VCAN: variants seen among roughly 807,000 people sequenced by gnomAD.
VCAN encodes versican core protein.
In VCAN, 44 loss-of-function variants were observed where a neutral mutation model predicts 245.5. The ratio of observed to expected loss-of-function variants is 0.18; its 90% CI spans 0.14 to 0.23. The LOEUF is 0.23. Among genes scored for constraint, VCAN ranks in the 10% least tolerant of loss-of-function variants. VCAN has a pLI of 1.00. For synonymous variants in VCAN, 1,413 were observed against 1,437.0 expected, an observed-to-expected ratio of 0.98 and a Z score of 0.38; for missense variants, 3,793 against 4,057.9, an observed-to-expected ratio of 0.93 and a Z score of 1.77.
At position 83,541,015 on chromosome 5, in the gene VCAN, C is replaced by T. The variant is rs61733390; in HGVS notation, c.8012C>T (p.Thr2671Ile). ...SQLDHMGFHFTTGIPAPSTET... is the reference protein window; with the variant it reads ...SQLDHMGFHFITGIPAPSTET... ...CTAGATCACATGGGCTTTCACTTCA[C>T]AACTGGGATCCCTGCTCCTAGCACA... Residue 2671 changes from threonine (T) to isoleucine (I), a missense_variant, in exon 8 of 15, where the codon ACA (threonine) becomes ATA (isoleucine). By Grantham distance (89) the Thr-to-Ile change is moderately conservative (BLOSUM62 -1). This residue lies in a region of VCAN where 3,182 missense variants were observed against 3,250.3 expected (regional missense o/e 0.98). Transcript: ENST00000265077. The T allele has an allele frequency of 6.2e-7, 1 of 1,614,100 alleles. No individual in the cohort carries two copies. The highest frequency in any genetic ancestry group is 8.5e-7 in the Non-Finnish European group (1 of 1,179,988).
chr5:83,514,679 G>A (rs879376201), intron 6 of VCAN, among the ~76,000 whole-genome samples: 18 of 152,028 alleles, frequency 1.2e-4, no homozygotes, highest in Non-Finnish European at 1.9e-4. Context: ...GGTTGGTCTC[G>A]AACTCCTGAC....
chr5:83,567,687 T>C (rs1748139324), intron 12 of VCAN, among the ~76,000 whole-genome samples: 2 of 152,320 alleles, frequency 1.3e-5, no homozygotes, highest in South Asian at 4.1e-4. Flanking sequence ...TCAGGTGTAG[T>C]AGTGATCTAA....
At position 83,539,523 on chromosome 5, in the gene VCAN, G is replaced by A; in HGVS notation, c.6520G>A (p.Asp2174Asn). 6.2e-7 allele frequency: 1 copy of A among 1,613,948 alleles called. No homozygotes were observed. Among genetic ancestry groups the A allele is most frequent in the Non-Finnish European group, 8.5e-7 (1 of 1,179,958 alleles). Residue 2174 changes from aspartate (D) to asparagine (N), a missense_variant, in exon 8 of 15, where the codon GAC (aspartate) becomes AAC (asparagine). Coordinates refer to ENST00000265077, the MANE Select transcript of VCAN (RefSeq NM_004385.5). Reference sequence around the variant, plus strand: ...TGATGATAAAGAAATGAAGGAGGAAGACACTTCTTTAGTTAACATGTCTAC... The same window carrying A: ...TGATGATAAAGAAATGAAGGAGGAAAACACTTCTTTAGTTAACATGTCTAC... ...YSDDKEMKEE[D>N]TSLVNMSTPD...
intron 12 of VCAN, among the ~76,000 whole-genome samples, chr5:83,561,790 A>G (rs765266576): frequency 7.2e-5 from 11 of 152,182 alleles, no homozygotes; most frequent in Non-Finnish European, 1.5e-4. Flanking sequence ...ACCATAAACC[A>G]TTATTGTTTT....
At chr5:83,479,113 T>C (rs1282328000) in intron 1 of VCAN, among the ~76,000 whole-genome samples, 1 of 152,168 alleles carries the variant, frequency 6.6e-6, no homozygotes, top group Non-Finnish European at 1.5e-5. Context: ...TTCTCTCTGC[T>C]GTACAATGAT....
rs182838272 is a variant in VCAN, at chr5:83,496,958, A to G, written c.748+3027A>G. Among the ~76,000 whole-genome samples, 498 of 152,314 alleles carry G rather than the reference A, an allele frequency of 3.3e-3. 2 individuals are homozygous for G. The highest frequency in any genetic ancestry group is 0.011 in the South Asian group (51 of 4,826). The stretch of plus-strand genomic sequence containing the variant: ...TGAAGGTGAGTCAAGATTCCTTGTA[A>G]GAGGCATTGCTAAATTCATGAGTCA... On this transcript the variant is annotated intron_variant, in intron 5 of 14. Transcript: ENST00000265077.
At chr5:83,502,782 T>C (rs75461240) in intron 5 of VCAN, among the ~76,000 whole-genome samples, 2,087 of 152,304 alleles carry the variant, frequency 0.014, 62 homozygotes, top group South Asian at 0.063. Context: ...CAGGTTAACA[T>C]TTTTAAAACT....
intron 12 of VCAN, among the ~76,000 whole-genome samples, chr5:83,571,142 G>A (rs922776280): frequency 6.6e-6 from 1 of 152,138 alleles, no homozygotes; most frequent in African/African-American, 2.4e-5. Context: ...GTGGGAAAGT[G>A]ATGCTCAAAT....
Position 83,539,737 on chromosome 5 carries a change from A to C in VCAN, c.6734A>C (p.Gln2245Pro). Residue 2245 changes from glutamine (Q) to proline (P), a missense_variant, in exon 8 of 15, where the codon CAA becomes CCA. By Grantham distance (76) the Gln-to-Pro change is moderately conservative. This residue lies in a region of VCAN where 3,182 missense variants were observed against 3,250.3 expected (regional missense o/e 0.98). Transcript: ENST00000265077. ...HFPKGMRPTI[Q>P]ESDTELLFSG... Reference sequence around the variant, plus strand: ...CCGAAAGGCATGAGACCAACAATTCAAGAGTCAGATACTGAGCTCTTATTC... The same window carrying C: ...CCGAAAGGCATGAGACCAACAATTCCAGAGTCAGATACTGAGCTCTTATTC... The C allele has an allele frequency of 6.2e-7, 1 of 1,613,878 alleles. No homozygotes were observed. Among genetic ancestry groups the C allele is most frequent in the African/African-American group, 1.3e-5 (1 of 75,048 alleles).
chr5:83,512,489 A>G lies in VCAN; in HGVS notation c.1042+93A>G, dbSNP rs932858009. On this transcript the variant is annotated intron_variant, in intron 6 of 14. Coordinates refer to ENST00000265077, the MANE Select transcript of VCAN (RefSeq NM_004385.5). The stretch of plus-strand genomic sequence containing the variant: ...TCAACTAGCCGTTGGAGTGGATTCC[A>G]TGTCTTGCAGTGTGTGCACGGAATG... 16 of 1,455,726 alleles carry G rather than the reference A, an allele frequency of 1.1e-5. No homozygotes were observed. In the Admixed American group the frequency reaches 2.2e-4, roughly 20 times the overall value. The allele number at this position is 1,455,726 out of a possible 1,614,324, so 90.2% of individuals were successfully genotyped here.
In VCAN at chr5:83,582,141, T is replaced by G. The variant is rs887919696; in HGVS notation, c.*1707T>G. On this transcript the variant is annotated 3_prime_UTR_variant, in exon 15 of 15. Coordinates refer to ENST00000265077, the MANE Select transcript of VCAN (RefSeq NM_004385.5). ...TGATCTAGTAGGTTTCTATTTTTCC[T>G]TTCTCTTTACAATGCACATAATACT... The G allele has an allele frequency of 2.0e-5, 3 of 152,080 alleles. No individual in the cohort carries two copies. Among genetic ancestry groups the G allele is most frequent in the African/African-American group, 7.2e-5 (3 of 41,416 alleles). 9.4% of individuals were successfully genotyped at this position (152,080 alleles called of 1,614,324 possible).
intron 9 of VCAN, among the ~76,000 whole-genome samples, chr5:83,546,242 G>GA (rs201135741): frequency 0.16 from 22,795 of 141,396 alleles, 3,617 homozygotes; most frequent in African/African-American, 0.42. Context: ...TCTCTTTAAA[G>GA]AAAAAAAAAA....
At position 83,545,626 on chromosome 5, in the gene VCAN, T is replaced by C. The variant is rs773830482; in HGVS notation, c.9355T>C (p.Tyr3119His). 3.7e-6 allele frequency: 6 copies of C among 1,614,020 alleles called. No individual in the cohort carries two copies. Among genetic ancestry groups the C allele is most frequent in the Non-Finnish European group, 5.1e-6 (6 of 1,179,974 alleles). ...TSYVCTCVPGYSGDQCELDFD... is the reference protein window; with the variant it reads ...TSYVCTCVPGHSGDQCELDFD... ...CTACGTATGCACCTGTGTGCCAGGA[T>C]ACAGCGGAGACCAGTGTGAACTTGG... is the stretch of plus-strand genomic sequence containing the variant. Residue 3119 changes from tyrosine (Y) to histidine (H), a missense_variant, in exon 9 of 15, where the codon TAC becomes CAC. Tyr to His is a moderately conservative substitution (Grantham distance 83). This residue lies in a region of VCAN where 3,182 missense variants were observed against 3,250.3 expected (regional missense o/e 0.98). Transcript: ENST00000265077.
Position 83,538,440 on chromosome 5 carries a change from C to T in VCAN, c.5437C>T (p.His1813Tyr). 6.2e-7 allele frequency: 1 copy of T among 1,613,950 alleles called. No homozygotes were observed. Among genetic ancestry groups the T allele is most frequent in the Non-Finnish European group, 8.5e-7 (1 of 1,179,940 alleles). The change falls in exon 8 of 15, where the codon CAT (histidine) becomes TAT (tyrosine). Residue 1813 changes from histidine (H) to tyrosine (Y), a missense_variant. By Grantham distance (83) the His-to-Tyr change is moderately conservative. This residue lies in a region of VCAN where 3,182 missense variants were observed against 3,250.3 expected (regional missense o/e 0.98). Coordinates refer to ENST00000265077, the MANE Select transcript of VCAN (RefSeq NM_004385.5). ...GAQTTEHSSI[H>Y]QPGVQEGLTT... ...ACAGACCACTGAGCACAGCAGTATC[C>T]ATCAACCTGGGGTTCAGGAAGGGCT...
At chr5:83,562,858 G>A (rs894723076) in intron 12 of VCAN, among the ~76,000 whole-genome samples, 6 of 152,092 alleles carry the variant, frequency 3.9e-5, no homozygotes, top group African/African-American at 1.4e-4. Flanking sequence ...CTCACAGTGC[G>A]AGTAACTCAC....
chr5:83,505,619 A>G (rs1745459120), intron 5 of VCAN, among the ~76,000 whole-genome samples: 1 of 152,114 alleles, frequency 6.6e-6, no homozygotes, highest in Admixed American at 6.5e-5. Context: ...TTTCCCGGGC[A>G]CACAGTGCAA....
Position 83,566,906 on chromosome 5 carries a change from TGA to T in VCAN, c.9736-5508_9736-5507del, listed in dbSNP as rs531959445. ...TTCAATGAATAGCTTCAGTCTGCTC[TGA>T]GTTTTCACCCTGTTAGGAATGGTTC... is the stretch of plus-strand genomic sequence containing the variant. On this transcript the variant is annotated intron_variant, in intron 12 of 14. Coordinates refer to ENST00000265077, the MANE Select transcript of VCAN (RefSeq NM_004385.5). 5.8e-4 allele frequency among the ~76,000 whole-genome samples: 88 copies of T among 152,326 alleles called. 2 individuals are homozygous for T. The South Asian group carries it at 0.013, about 23-fold the overall frequency.
intron 2 of VCAN, among the ~76,000 whole-genome samples, 163 bp from the exon 3 acceptor site, chr5:83,489,935 A>T (rs1449110047): frequency 1.3e-5 from 2 of 152,126 alleles, no homozygotes. Context: ...GTAAAACATC[A>T]TTGAAATTGT....
intron 6 of VCAN, among the ~76,000 whole-genome samples, chr5:83,517,053 G>A (rs1309574920): frequency 1.3e-5 from 2 of 151,948 alleles, no homozygotes; most frequent in East Asian, 3.9e-4. Flanking sequence ...CTTGTTTTTG[G>A]AAACAAAGTC....
Sources: gnomAD v4.1 joint callset for allele counts (sites outside exome capture counted in the v4.1 genomes callset) on GRCh38, gnomAD v4.1.1 for gene constraint, gnomAD v4.1.1 regional missense constraint, MANE v1.5 for transcripts, NCBI Gene and HGNC (gene_info 2026-07-23, HGNC 2026-07-21) for gene names.